The following BBX variants were observed in gnomAD, a reference collection of about 807,000 sequenced individuals.
BBX encodes the protein HMG box transcription factor BBX.
A neutral mutation model predicts 100.2 loss-of-function variants in BBX; 30 were observed. The observed-to-expected ratio is 0.30, with a 90% CI of 0.22 to 0.41. The LOEUF (loss-of-function observed/expected upper bound fraction) is 0.41, where lower values mean the gene tolerates loss of function less well. Among genes scored for constraint, BBX ranks in the 10% least tolerant of loss-of-function variants. The probability of loss-of-function intolerance (pLI) is 1.00; values close to 1 mark genes in which losing one functional copy is unlikely to be tolerated. For synonymous variants in BBX, 376 were observed against 388.1 expected (o/e 0.97, Z 0.37); for missense variants, 1,023 against 1,129.8 (o/e 0.91, Z 1.35).
intron 14 of BBX, among the ~76,000 whole-genome samples, chr3:107,790,481 C>T (rs1353224743): frequency 6.6e-6 from 1 of 152,122 alleles, no homozygotes; most frequent in Non-Finnish European, 1.5e-5. Context: ...CCTCTTTACT[C>T]GGAACGTCTG....
intron 2 of BBX, among the ~76,000 whole-genome samples, chr3:107,545,073 G>A (rs1294262791): frequency 6.6e-6 from 1 of 152,004 alleles, no homozygotes; most frequent in Non-Finnish European, 1.5e-5. Context: ...TTATAGAGAC[G>A]TTTCTTTACC....
chr3:107,787,565 G>T (rs2068568217), intron 13 of BBX, among the ~76,000 whole-genome samples: 1 of 152,174 alleles, frequency 6.6e-6, no homozygotes, highest in Non-Finnish European at 1.5e-5. Flanking sequence ...TTCAAAAATT[G>T]GTGCCGGTTG....
At chr3:107,626,494 T>G (rs2056185270) in intron 2 of BBX, among the ~76,000 whole-genome samples, 1 of 152,166 alleles carries the variant, frequency 6.6e-6, no homozygotes, top group East Asian at 1.9e-4. Context: ...GGGTATCTCA[T>G]GAAGTACAGT....
chr3:107,695,851 C>T (rs1429701545), intron 3 of BBX, among the ~76,000 whole-genome samples: 1 of 151,672 alleles, frequency 6.6e-6, no homozygotes. Flanking sequence ...GTAGGTCACT[C>T]AGGACTTGCT....
At chr3:107,713,713 C>G (rs1032482577) in intron 4 of BBX, among the ~76,000 whole-genome samples, 1 of 152,206 alleles carries the variant, frequency 6.6e-6, no homozygotes, top group Admixed American at 6.5e-5. Flanking sequence ...TTTACAGGAT[C>G]AAATGCATGC....
intron 3 of BBX, among the ~76,000 whole-genome samples, chr3:107,703,178 G>A (rs1306721321): frequency 2.6e-5 from 4 of 152,218 alleles, no homozygotes; most frequent in Non-Finnish European, 5.9e-5. Flanking sequence ...GGCAAATACT[G>A]TTTTGTTAGG....
At chr3:107,599,538 G>C (rs966938471) in intron 2 of BBX, 1 of 152,126 alleles carries the variant, frequency 6.6e-6, no homozygotes, top group Admixed American at 6.6e-5. Flanking sequence ...CATCGTGCCG[G>C]TGTTATAACC....
rs2070528197 is a variant in BBX at position 107,801,875 on chromosome 3, T to A, written c.2738+594T>A. 2.0e-5 allele frequency among the ~76,000 whole-genome samples: 3 copies of A among 152,342 alleles called. No homozygotes were observed. In the South Asian group the frequency reaches 6.2e-4, roughly 32 times the overall value. On this transcript the variant is annotated intron_variant, in intron 17 of 17. Transcript: ENST00000325805. Reference sequence around the variant, plus strand: ...AGAGGCCTGGATTTTTCTTCAACTCTTCTGTGATTTCCTACAAAGTAATTT... The same window carrying A: ...AGAGGCCTGGATTTTTCTTCAACTCATCTGTGATTTCCTACAAAGTAATTT...
intron 2 of BBX, among the ~76,000 whole-genome samples, chr3:107,629,890 C>G (rs1202816906): frequency 2.6e-5 from 4 of 152,052 alleles, no homozygotes; most frequent in Non-Finnish European, 5.9e-5. Context: ...TTTTAATACA[C>G]AGATCCATTC....
Position 107,747,993 on chromosome 3 carries a change from C to T in BBX, c.779C>T (p.Ala260Val), listed in dbSNP as rs150121801. 1.8e-3 allele frequency: 2,943 copies of T among 1,613,314 alleles called. 28 individuals carry two copies. Among genetic ancestry groups the T allele is most frequent in the South Asian group, 0.011 (1,014 of 90,966 alleles). The part of the protein sequence containing the change: ...EISSSTSHSD[A>V]STKQCQTSAL... ...TCTTCAAGTACGTCCCACTCTGATG[C>T]TTCTACAAAGCAGTGTCAAACATCT... Residue 260 changes from alanine to valine, a missense_variant, in exon 9 of 18, where the codon GCT becomes GTT. Transcript: ENST00000325805.
intron 3 of BBX, among the ~76,000 whole-genome samples, chr3:107,685,929 G>A (rs143640312): frequency 6.6e-5 from 10 of 152,154 alleles, no homozygotes; most frequent in South Asian, 4.2e-4. Context: ...TGCTCCATTC[G>A]GCTGTGACTT....
At chr3:107,682,601 A>G (rs2059625600) in intron 3 of BBX, among the ~76,000 whole-genome samples, 1 of 152,290 alleles carries the variant, frequency 6.6e-6, no homozygotes, top group East Asian at 1.9e-4. Context: ...ATAAGCTAGG[A>G]TGACTCTGGT....
At chr3:107,541,690 T>C (rs1400561618) in intron 2 of BBX, among the ~76,000 whole-genome samples, 1 of 152,068 alleles carries the variant, frequency 6.6e-6, no homozygotes, top group African/African-American at 2.4e-5. Flanking sequence ...ATTTCTGAAG[T>C]TACAATGAAA....
chr3:107,791,942 A>G (rs2107947631), intron 15 of BBX, among the ~76,000 whole-genome samples: 1 of 152,336 alleles, frequency 6.6e-6, no homozygotes, highest in South Asian at 2.1e-4. Context: ...CGGAAGTTTC[A>G]GTGAGCCAAG....
intron 2 of BBX, among the ~76,000 whole-genome samples, chr3:107,535,072 A>C (rs2048397950): frequency 6.6e-6 from 1 of 152,240 alleles, no homozygotes; most frequent in Non-Finnish European, 1.5e-5. Context: ...CTCAGGTTGA[A>C]TAACTTGTCT....
At chr3:107,621,293 A>AAGGAAAATCC (rs1177354354) in intron 2 of BBX, among the ~76,000 whole-genome samples, 1 of 152,158 alleles carries the variant, frequency 6.6e-6, no homozygotes, top group African/African-American at 2.4e-5. Context: ...TGTGAAGTGA[A>AAGGAAAATCC]AGGAAAATCC....
chr3:107,643,843 T>A (rs1409574809), intron 2 of BBX, among the ~76,000 whole-genome samples: 1 of 152,180 alleles, frequency 6.6e-6, no homozygotes, highest in Non-Finnish European at 1.5e-5. Context: ...TTGGAGTGTT[T>A]CTGTTTGGCT....
At chr3:107,570,224 C>T (rs1056019325) in intron 2 of BBX, among the ~76,000 whole-genome samples, 3 of 152,220 alleles carry the variant, frequency 2.0e-5, no homozygotes, top group Non-Finnish European at 2.9e-5. Context: ...GGAATTGCAA[C>T]TCAGAAATAC....
chr3:107,582,899 T>C (rs2052391128), intron 2 of BBX, among the ~76,000 whole-genome samples: 3 of 152,024 alleles, frequency 2.0e-5, no homozygotes, highest in Admixed American at 2.0e-4. Context: ...TAGAAAGGTG[T>C]AGGTATGTGC....
Sources: allele counts gnomAD v4.1 joint callset (sites outside exome capture counted in the v4.1 genomes callset), GRCh38; gene constraint gnomAD v4.1.1; transcripts MANE v1.5; gene names NCBI Gene and HGNC (gene_info 2026-07-23, HGNC 2026-07-21).